The following LNPK variants were observed in gnomAD, a reference collection of about 807,000 sequenced individuals.
LNPK encodes the protein endoplasmic reticulum junction formation protein lunapark.
A neutral mutation model predicts 55.2 loss-of-function variants in LNPK; 29 were observed. The observed-to-expected ratio is 0.53, with a 90% CI of 0.39 to 0.72. The LOEUF (loss-of-function observed/expected upper bound fraction) is 0.72, where lower values mean the gene tolerates loss of function less well. Among genes scored for constraint, LNPK ranks in the 30% least tolerant of loss-of-function variants. The pLI is 0.00. For synonymous variants in LNPK, 162 were observed against 168.2 expected (o/e 0.96, Z 0.29); for missense variants, 467 against 494.8 (o/e 0.94, Z 0.53).
chr2:175,967,040 C>G (rs1457867507), intron 6 of LNPK, among the ~76,000 whole-genome samples: 2 of 152,208 alleles, frequency 1.3e-5, no homozygotes, highest in African/African-American at 4.8e-5. Flanking sequence ...AACTAGAATT[C>G]TTGAGAATTC....
At chr2:175,956,357 T>G (rs1489350281) in intron 8 of LNPK, among the ~76,000 whole-genome samples, 1 of 151,764 alleles carries the variant, frequency 6.6e-6, no homozygotes, top group Non-Finnish European at 1.5e-5. Context: ...AATCATTTAC[T>G]CCTATGGTGA....
At chr2:175,988,877 C>T (rs1176770728) in intron 4 of LNPK, among the ~76,000 whole-genome samples, 2 of 152,088 alleles carry the variant, frequency 1.3e-5, no homozygotes, top group Non-Finnish European at 2.9e-5. Flanking sequence ...GGGTTCACGC[C>T]ATTCTCCTGC....
In LNPK at chr2:175,929,021, T is replaced by TTATTG. The variant is rs1684143458; in HGVS notation, c.*941_*945dup. The stretch of plus-strand genomic sequence containing the variant: ...TTTGCTCTAAGCAGAATCTACAGAT[T>TTATTG]TATTGTATTGTGAGCTATTCCTCCT... On this transcript the variant is annotated 3_prime_UTR_variant, in exon 13 of 13. Coordinates refer to ENST00000272748, the MANE Select transcript of LNPK (RefSeq NM_030650.3). 1.6e-6 allele frequency: 1 copy of TTATTG among 640,082 alleles called. No individual in the cohort carries two copies. The highest frequency in any genetic ancestry group is 2.0e-5 in the African/African-American group (1 of 50,432). 39.7% of individuals were successfully genotyped at this position (640,082 alleles called of 1,614,324 possible).
chr2:175,931,814 T>C (rs1309480971), intron 12 of LNPK, among the ~76,000 whole-genome samples: 1 of 152,196 alleles, frequency 6.6e-6, no homozygotes, highest in African/African-American at 2.4e-5. Flanking sequence ...CAAATGAAAC[T>C]ACAGGCATGT....
intron 6 of LNPK, among the ~76,000 whole-genome samples, chr2:175,970,310 ATC>A (rs137979867): frequency 1.3e-5 from 2 of 151,774 alleles, no homozygotes; most frequent in Non-Finnish European, 2.9e-5. Context: ...GAAAACAATT[ATC>A]TCTCTCTCTC....
chr2:175,943,214 T>TA lies in LNPK; in HGVS notation c.707-3558dup, dbSNP rs5836521. ...TTCTTAAAGAAACTGAATTTTTAGTTAAAAAAAAAAAACACCTTTTTCTCT... is the reference window on the plus strand; with the variant it reads ...TTCTTAAAGAAACTGAATTTTTAGTTAAAAAAAAAAAAACACCTTTTTCTCT... On this transcript the variant is annotated intron_variant, in intron 9 of 12. Coordinates refer to ENST00000272748, the MANE Select transcript of LNPK (RefSeq NM_030650.3). Among the ~76,000 whole-genome samples the TA allele has an allele frequency of 7.7e-3, 1,059 of 138,032 alleles. 8 individuals carry two copies. Among genetic ancestry groups the TA allele is most frequent in the Non-Finnish European group, 0.012 (768 of 63,220 alleles). 90.6% of individuals were successfully genotyped at this position (138,032 alleles called of 152,430 possible). A position where few individuals can be genotyped will look rare whatever the true frequency, so the allele number is the denominator to read the frequency against.
intron 9 of LNPK, among the ~76,000 whole-genome samples, chr2:175,941,574 C>T (rs1684842279): frequency 6.6e-6 from 1 of 151,338 alleles, no homozygotes; most frequent in Non-Finnish European, 1.5e-5. Flanking sequence ...GGGCAGATCA[C>T]AAGGTCAAGA....
At chr2:175,945,810 T>C (rs1685097301) in intron 9 of LNPK, among the ~76,000 whole-genome samples, 1 of 152,180 alleles carries the variant, frequency 6.6e-6, no homozygotes, top group African/African-American at 2.4e-5. Flanking sequence ...CACCTTTATA[T>C]GCATGCTGTT....
In LNPK at chr2:175,928,509, CAAAAAAAAAA is replaced by C. The variant is rs35161150; in HGVS notation, c.*1448_*1457del. ...CCCAGACTGTTAACAGATTGAGTTCCAAAAAAAAAAAAAAAAAAAAACTGTCACATATGAG... is the reference window on the plus strand; with the variant it reads ...CCCAGACTGTTAACAGATTGAGTTCCAAAAAAAAAAACTGTCACATATGAG... On this transcript the variant is annotated 3_prime_UTR_variant, in exon 13 of 13. Coordinates refer to ENST00000272748, the MANE Select transcript of LNPK (RefSeq NM_030650.3). 9.3e-6 allele frequency: 1 copy of C among 107,150 alleles called. No homozygotes were observed. The highest frequency in any genetic ancestry group is 1.9e-5 in the Non-Finnish European group (1 of 53,114). 6.6% of individuals were successfully genotyped at this position (107,150 alleles called of 1,614,324 possible). A position where few individuals can be genotyped will look rare whatever the true frequency, so the allele number is the denominator to read the frequency against.
intron 5 of LNPK, among the ~76,000 whole-genome samples, chr2:175,971,662 C>G (rs1468018964): frequency 6.6e-6 from 1 of 151,984 alleles, no homozygotes; most frequent in East Asian, 1.9e-4. Flanking sequence ...TGTAAAAATT[C>G]AAGGAAACAC....
intron 5 of LNPK, among the ~76,000 whole-genome samples, chr2:175,971,062 T>C (rs1012812472): frequency 1.3e-5 from 2 of 152,120 alleles, no homozygotes; most frequent in African/African-American, 4.8e-5. Context: ...TTGAAATATA[T>C]ACAAATACTT....
At position 175,929,891 on chromosome 2, in the gene LNPK, T is replaced by C. The variant is rs1684179662; in HGVS notation, c.*76A>G. On this transcript the variant is annotated 3_prime_UTR_variant, in exon 13 of 13. Coordinates refer to ENST00000272748, the MANE Select transcript of LNPK (RefSeq NM_030650.3). ...CATACCCTTAGAGGGGCAAAAAAAG[T>C]AAGTGCCACCGAAAAAGCAATAACT... The C allele has an allele frequency of 3.8e-6, 6 of 1,578,276 alleles. No individual in the cohort carries two copies. The highest frequency in any genetic ancestry group is 5.2e-6 in the Non-Finnish European group (6 of 1,162,338).
At chr2:175,983,594 A>C (rs1337619510) in intron 4 of LNPK, among the ~76,000 whole-genome samples, 1 of 152,182 alleles carries the variant, frequency 6.6e-6, no homozygotes, top group Non-Finnish European at 1.5e-5. Context: ...TAAAAGAAAA[A>C]GACCTTCACA....
At chr2:175,938,453 G>T in intron 10 of LNPK, 70 bp from the exon 11 acceptor site, 1 of 725,672 alleles carries the variant, frequency 1.4e-6, no homozygotes, top group South Asian at 2.4e-5. Flanking sequence ...GACTAATTTA[G>T]CCATCATGGC....
In LNPK at chr2:175,926,366, T is replaced by G. The variant is rs1170865081; in HGVS notation, c.*3601A>C. 2 of 152,242 alleles carry G rather than the reference T, an allele frequency of 1.3e-5. No individual in the cohort carries two copies. The highest frequency in any genetic ancestry group is 2.9e-5 in the Non-Finnish European group (2 of 68,096). 9.4% of individuals were successfully genotyped at this position (152,242 alleles called of 1,614,324 possible). On this transcript the variant is annotated 3_prime_UTR_variant, in exon 13 of 13. Transcript: ENST00000272748. ...GCTTGAGGTTGCAACTTCCATCTCT[T>G]GCTCACTCTTGCCCTCTCTTACCCT...
intron 4 of LNPK, 26 bp from the exon 5 acceptor site, chr2:175,979,894 CAAAA>C: frequency 6.5e-7 from 1 of 1,539,976 alleles, no homozygotes; most frequent in Non-Finnish European, 8.7e-7. Context: ...AATTCAGAAA[CAAAA>C]AACATCATTA....
chr2:175,929,843 T>A lies in LNPK; in HGVS notation c.*124A>T. On this transcript the variant is annotated 3_prime_UTR_variant, in exon 13 of 13. Coordinates refer to ENST00000272748, the MANE Select transcript of LNPK (RefSeq NM_030650.3). ...TTGAGATGTTCAAATAGCTAGGCAA[T>A]CTGAATTCAAATGATACACAAGCAT... 6.8e-7 allele frequency: 1 copy of A among 1,473,780 alleles called. No individual in the cohort carries two copies. The highest frequency in any genetic ancestry group is 1.4e-5 in the South Asian group (1 of 69,818). 91.3% of individuals were successfully genotyped at this position (1,473,780 alleles called of 1,614,324 possible).
intron 12 of LNPK, among the ~76,000 whole-genome samples, chr2:175,936,466 A>G (rs937717472): frequency 6.6e-6 from 1 of 152,352 alleles, no homozygotes; most frequent in South Asian, 2.1e-4. Context: ...AGAAATTAAA[A>G]TAATTAATCC....
intron 5 of LNPK, among the ~76,000 whole-genome samples, chr2:175,975,682 C>T (rs1268917054): frequency 6.6e-6 from 1 of 152,220 alleles, no homozygotes; most frequent in East Asian, 1.9e-4. Context: ...CTAGGTCTTA[C>T]TCATTCTTTC....
Sources: allele counts gnomAD v4.1 joint callset (sites outside exome capture counted in the v4.1 genomes callset), GRCh38; gene constraint gnomAD v4.1.1; transcripts MANE v1.5; gene names NCBI Gene and HGNC (gene_info 2026-07-23, HGNC 2026-07-21).